The following KIF21A variants were observed in gnomAD, a reference collection of about 807,000 sequenced individuals.
KIF21A encodes kinesin-like protein KIF21A.
A neutral mutation model predicts 202.9 loss-of-function variants in KIF21A; 114 were observed. That is an observed-to-expected ratio of 0.56 (90% CI 0.48 to 0.66). The LOEUF (loss-of-function observed/expected upper bound fraction) is 0.66, where lower values mean the gene tolerates loss of function less well. Ranked by LOEUF, KIF21A falls within the 30% of genes least tolerant of loss-of-function variation. KIF21A has a pLI of 0.00. For missense variants in KIF21A, 1,677 were observed against 1,994.9 expected, an observed-to-expected ratio of 0.84 and a Z score of 3.04; for synonymous variants, 667 against 670.8, an observed-to-expected ratio of 0.99 and a Z score of 0.09.
At position 39,304,801 on chromosome 12, in the gene KIF21A, A is replaced by G. The variant is rs1463859947; in HGVS notation, c.4560+20T>C. 8.5e-7 allele frequency: 1 copy of G among 1,173,210 alleles called. No homozygotes were observed. The highest frequency in any genetic ancestry group is 1.2e-5 in the South Asian group (1 of 81,934). 72.7% of individuals were successfully genotyped at this position (1,173,210 alleles called of 1,614,324 possible). On this transcript the variant is annotated intron_variant, in intron 35 of 37. Transcript: ENST00000361418. The stretch of plus-strand genomic sequence containing the variant: ...ATCATTTAATAGACAAATATAATTC[A>G]GAAAGTCTCTTATACATACTTTGAT...
rs968752395 is a variant in KIF21A at position 39,367,057 on chromosome 12, T to A, written c.708A>T (p.Gln236His). 2 of 1,613,862 alleles carry A rather than the reference T, an allele frequency of 1.2e-6. No homozygotes were observed. The highest frequency in any genetic ancestry group is 1.7e-6 in the Non-Finnish European group (2 of 1,179,744). ...SHAIFTIHVC[Q>H]TRVCPQIDAD... Reference sequence around the variant, plus strand: ...CATCTATTTGGGGACACACTCTGGTTTGACACACATGAATGGTAAAAATGG... The same window carrying A: ...CATCTATTTGGGGACACACTCTGGTATGACACACATGAATGGTAAAAATGG... The change falls in exon 5 of 38, where the codon CAA becomes CAT. Residue 236 changes from glutamine to histidine, a missense_variant. This residue lies in a region of KIF21A where 966 missense variants were observed against 1,180.9 expected (regional missense o/e 0.82). Coordinates refer to ENST00000361418, the MANE Select transcript of KIF21A (RefSeq NM_001173464.2).
intron 1 of KIF21A, among the ~76,000 whole-genome samples, chr12:39,427,438 C>T (rs187576513): frequency 6.6e-6 from 1 of 152,170 alleles, no homozygotes; most frequent in East Asian, 1.9e-4. Flanking sequence ...AGAGGGGTAA[C>T]GTTATTTTTC....
At chr12:39,327,477 ATTATG>A (rs1224540416) in intron 24 of KIF21A, among the ~76,000 whole-genome samples, 2 of 152,232 alleles carry the variant, frequency 1.3e-5, no homozygotes, top group African/African-American at 4.8e-5. Context: ...AACATAGAAA[ATTATG>A]TTATAAAGAA....
chr12:39,417,781 T>C lies in KIF21A; in HGVS notation c.44+25146A>G, dbSNP rs1340233420. The stretch of plus-strand genomic sequence containing the variant: ...GCAGCAACAAAGGGAATGGAAAATA[T>C]ATATATATTATTAATATAAAATACA... On this transcript the variant is annotated intron_variant, in intron 1 of 37. Transcript: ENST00000361418. 2.6e-5 allele frequency among the ~76,000 whole-genome samples: 4 copies of C among 152,092 alleles called. No homozygotes were observed. The East Asian group carries it at 7.7e-4, about 29-fold the overall frequency.
At chr12:39,366,230 A>G in intron 6 of KIF21A, 120 bp downstream of exon 6, 2 of 860,922 alleles carry the variant, frequency 2.3e-6, no homozygotes, top group Non-Finnish European at 1.9e-6. Flanking sequence ...TAACTGTTCT[A>G]TAATTTTCAT....
chr12:39,401,116 A>G (rs1952141045), intron 1 of KIF21A, among the ~76,000 whole-genome samples: 1 of 152,252 alleles, frequency 6.6e-6, no homozygotes, highest in Non-Finnish European at 1.5e-5. Flanking sequence ...TCTGCATTTC[A>G]GAGAATACAG....
At chr12:39,384,650 T>G (rs1435015548) in intron 1 of KIF21A, among the ~76,000 whole-genome samples, 1 of 152,154 alleles carries the variant, frequency 6.6e-6, no homozygotes, top group East Asian at 1.9e-4. Context: ...GTGAAACAAC[T>G]TACTATAAAC....
chr12:39,405,140 T>TC (rs1160607228), intron 1 of KIF21A, among the ~76,000 whole-genome samples: 1 of 152,098 alleles, frequency 6.6e-6, no homozygotes, highest in East Asian at 1.9e-4. Context: ...TCACCTGAGG[T>TC]CAGGAGTTCA....
At chr12:39,331,661 T>C in intron 22 of KIF21A, 29 bp downstream of exon 22, 3 of 1,449,596 alleles carry the variant, frequency 2.1e-6, no homozygotes, top group Non-Finnish European at 2.9e-6. Flanking sequence ...AAAACTTAGA[T>C]TTTCAGTAAC....
At chr12:39,375,151 C>G (rs1310533882) in intron 1 of KIF21A, among the ~76,000 whole-genome samples, 1 of 152,008 alleles carries the variant, frequency 6.6e-6, no homozygotes, top group East Asian at 1.9e-4. Flanking sequence ...ATAACCGAAA[C>G]TGGTTTTAGT....
At chr12:39,380,844 T>A (rs1950564803) in intron 1 of KIF21A, among the ~76,000 whole-genome samples, 1 of 152,134 alleles carries the variant, frequency 6.6e-6, no homozygotes, top group Non-Finnish European at 1.5e-5. Flanking sequence ...CAACTCTCAT[T>A]CTCAGATTAG....
chr12:39,427,956 A>C (rs1954895533), intron 1 of KIF21A, among the ~76,000 whole-genome samples: 1 of 152,138 alleles, frequency 6.6e-6, no homozygotes, highest in African/African-American at 2.4e-5. Flanking sequence ...ACCCGCGCCC[A>C]GCCACATCTT....
At chr12:39,369,604 A>T in intron 3 of KIF21A, 125 bp downstream of exon 3, 1 of 709,372 alleles carries the variant, frequency 1.4e-6, no homozygotes, top group Non-Finnish European at 2.4e-6. Context: ...ATGTTAATTT[A>T]CTCAAACAAC....
At chr12:39,417,768 G>A (rs1417125814) in intron 1 of KIF21A, among the ~76,000 whole-genome samples, 1 of 151,730 alleles carries the variant, frequency 6.6e-6, no homozygotes, top group Non-Finnish European at 1.5e-5. Flanking sequence ...AGCAACAAAG[G>A]GAATGGAAAA....
chr12:39,351,147 G>A (rs1948340370), intron 11 of KIF21A, among the ~76,000 whole-genome samples: 2 of 151,900 alleles, frequency 1.3e-5, no homozygotes, highest in South Asian at 4.1e-4. Flanking sequence ...CCTCTCCTTT[G>A]CACCCGGTTG....
intron 10 of KIF21A, 139 bp downstream of exon 10, chr12:39,356,693 C>A: frequency 1.8e-6 from 1 of 544,926 alleles, no homozygotes; most frequent in Non-Finnish European, 3.3e-6. Context: ...TAAAGAATCT[C>A]CTAAAGTTAA....
chr12:39,301,707 C>T, intron 36 of KIF21A, 28 bp from the exon 37 acceptor site: 2 of 1,578,528 alleles, frequency 1.3e-6, no homozygotes, highest in South Asian at 2.2e-5. Context: ...AAATCAGCAG[C>T]TTAAGGAGAG....
intron 3 of KIF21A, among the ~76,000 whole-genome samples, chr12:39,369,469 T>TGG (rs572062566): frequency 2.0e-5 from 3 of 151,496 alleles, no homozygotes; most frequent in African/African-American, 7.3e-5. Context: ...TCCAAAAAAA[T>TGG]GGGGGGGGTT....
chr12:39,404,028 G>T (rs1208285333), intron 1 of KIF21A, among the ~76,000 whole-genome samples: 1 of 152,202 alleles, frequency 6.6e-6, no homozygotes, highest in Non-Finnish European at 1.5e-5. Flanking sequence ...TTTCTAGTGG[G>T]TTTAGAAATC....
Sources: allele counts gnomAD v4.1 joint callset (sites outside exome capture counted in the v4.1 genomes callset), GRCh38; gene constraint gnomAD v4.1.1; regional missense constraint gnomAD v4.1.1; transcripts MANE v1.5; gene names NCBI Gene and HGNC (gene_info 2026-07-23, HGNC 2026-07-21).